TBC1D8: variants seen among roughly 807,000 people sequenced by gnomAD.
The protein encoded by TBC1D8 is TBC1 domain family member 8.
TBC1D8 carries 65 observed loss-of-function variants against 118.8 expected under a neutral mutation model. The ratio of observed to expected loss-of-function variants is 0.55; its 90% CI spans 0.45 to 0.67. The LOEUF is 0.67. Among genes scored for constraint, TBC1D8 ranks in the 30% least tolerant of loss-of-function variants. The pLI, the probability that TBC1D8 is intolerant of heterozygous loss-of-function variation, is 0.00. For synonymous variants in TBC1D8, 566 were observed against 595.8 expected, an observed-to-expected ratio of 0.95 and a Z score of 0.73; for missense variants, 1,376 against 1,471.2, an observed-to-expected ratio of 0.94 and a Z score of 1.06.
At chr2:101,064,264 AG>A (rs1682907749) in intron 2 of TBC1D8, among the ~76,000 whole-genome samples, 1 of 152,162 alleles carries the variant, frequency 6.6e-6, no homozygotes, top group Non-Finnish European at 1.5e-5. Context: ...CATGGAGAAA[AG>A]GCCATGTGAG....
At chr2:101,132,013 C>T (rs1452896324) in intron 1 of TBC1D8, among the ~76,000 whole-genome samples, 1 of 152,106 alleles carries the variant, frequency 6.6e-6, no homozygotes, top group Non-Finnish European at 1.5e-5. Flanking sequence ...ACGGGTGCTT[C>T]CAGATTCACA....
chr2:101,103,564 T>A (rs988513920), intron 1 of TBC1D8, among the ~76,000 whole-genome samples: 2 of 151,986 alleles, frequency 1.3e-5, no homozygotes, highest in African/African-American at 2.4e-5. Flanking sequence ...GCTAATTTTT[T>A]TGTATTTTTA....
intron 1 of TBC1D8, among the ~76,000 whole-genome samples, chr2:101,138,728 G>A (rs905652806): frequency 6.6e-6 from 1 of 152,106 alleles, no homozygotes; most frequent in African/African-American, 2.4e-5. Flanking sequence ...GCCCTCTCTG[G>A]GTGGGCTACC....
chr2:101,035,202 A>G (rs1276289059), intron 9 of TBC1D8, among the ~76,000 whole-genome samples: 3 of 152,144 alleles, frequency 2.0e-5, no homozygotes, highest in African/African-American at 7.2e-5. Context: ...CCATGGGGTC[A>G]TCTGGGGAAG....
intron 2 of TBC1D8, among the ~76,000 whole-genome samples, chr2:101,073,260 A>AT (rs111766054): frequency 0.1 from 15,588 of 149,594 alleles, 2,356 homozygotes; most frequent in African/African-American, 0.33. Flanking sequence ...ACATTGTTTT[A>AT]TTTTTTTTAT....
intron 17 of TBC1D8, among the ~76,000 whole-genome samples, chr2:101,020,228 ATGTT>A (rs973512177): frequency 6.6e-6 from 1 of 152,186 alleles, no homozygotes; most frequent in African/African-American, 2.4e-5. Flanking sequence ...TTCCAAAATA[ATGTT>A]TGTTTTAAAA....
At chr2:101,099,612 A>G (rs1327841563) in intron 1 of TBC1D8, among the ~76,000 whole-genome samples, 1 of 152,232 alleles carries the variant, frequency 6.6e-6, no homozygotes, top group African/African-American at 2.4e-5. Flanking sequence ...AAAATCCTCA[A>G]TAACATACTG....
chr2:101,025,690 G>A (rs577566656), intron 15 of TBC1D8, among the ~76,000 whole-genome samples: 86 of 152,130 alleles, frequency 5.7e-4, no homozygotes, highest in Non-Finnish European at 1.1e-3. Flanking sequence ...TAACACTGAA[G>A]AGACCAAATG....
intron 17 of TBC1D8, among the ~76,000 whole-genome samples, chr2:101,017,390 T>C (rs1467542722): frequency 6.6e-6 from 1 of 152,222 alleles, no homozygotes; most frequent in Non-Finnish European, 1.5e-5. Context: ...TAATTTTATA[T>C]GCTATACTTT....
intron 1 of TBC1D8, among the ~76,000 whole-genome samples, chr2:101,129,777 C>A (rs970863057): frequency 3.3e-5 from 5 of 151,840 alleles, no homozygotes; most frequent in African/African-American, 1.2e-4. Flanking sequence ...TGGCAGCAGG[C>A]GCCTGTAGTC....
At chr2:101,071,024 G>C (rs1683280750) in intron 2 of TBC1D8, among the ~76,000 whole-genome samples, 1 of 152,056 alleles carries the variant, frequency 6.6e-6, no homozygotes, top group Admixed American at 6.6e-5. Flanking sequence ...GTTTGTCTCA[G>C]TCAATAATAG....
chr2:101,036,857 G>C (rs139785586), intron 8 of TBC1D8, among the ~76,000 whole-genome samples: 75 of 152,320 alleles, frequency 4.9e-4, no homozygotes, highest in African/African-American at 1.8e-3. Flanking sequence ...GTCAACAAAA[G>C]TTAATTAAGG....
At chr2:101,085,996 G>A (rs1474018976) in intron 2 of TBC1D8, among the ~76,000 whole-genome samples, 1 of 152,104 alleles carries the variant, frequency 6.6e-6, no homozygotes, top group African/African-American at 2.4e-5. Flanking sequence ...AAAAAAATTA[G>A]CTGGGCGTGG....
rs370479457 is a variant in TBC1D8 at position 101,029,530 on chromosome 2, C to T, written c.2183G>A (p.Ser728Asn). The T allele has an allele frequency of 7.4e-6, 12 of 1,613,848 alleles. No homozygotes were observed. The African/African-American group carries it at 1.5e-4, about 20-fold the overall frequency. The change falls in exon 12 of 20, where the codon AGC becomes AAC. Residue 728 changes from serine (S) to asparagine (N), a missense_variant. By Grantham distance (46) the Ser-to-Asn change is conservative. Transcript: ENST00000409318. ...VLEANAEDLC[S>N]SKDDGQALMI... is the part of the protein sequence containing the mutation. The stretch of plus-strand genomic sequence containing the variant: ...CAAGGCCTGGCCATCATCCTTGCTG[C>T]TGCACAGGTCCTCAGCATTGGCCTC...
At chr2:101,031,104 T>C (rs1280794874) in intron 11 of TBC1D8, among the ~76,000 whole-genome samples, 3 of 152,228 alleles carry the variant, frequency 2.0e-5, no homozygotes, top group Non-Finnish European at 4.4e-5. Context: ...CACTGTTGCA[T>C]ATGAGCTGTC....
Position 101,122,383 on chromosome 2 carries a change from C to CAAAAA in TBC1D8, c.127+28739_127+28743dup, listed in dbSNP as rs70943064. Among the ~76,000 whole-genome samples, 51 of 71,920 alleles carry CAAAAA rather than the reference C, an allele frequency of 7.1e-4. 6 individuals are homozygous for CAAAAA. The highest frequency in any genetic ancestry group is 2.1e-3 in the African/African-American group (48 of 22,554). The allele number at this position is 71,920 out of a possible 152,430, so 47.2% of individuals were successfully genotyped here. A position where few individuals can be genotyped will look rare whatever the true frequency, so the allele number is the denominator to read the frequency against. ...ACCGCGCCCGGCCAAGACTCCATTT[C>CAAAAA]AAAAAAAAAAAAAAAAAAAAAAAAA... On this transcript the variant is annotated intron_variant, in intron 1 of 19. Coordinates refer to ENST00000409318, the MANE Select transcript of TBC1D8 (RefSeq NM_001330348.2).
rs1286879752 is a variant in TBC1D8 at position 101,010,994 on chromosome 2, G to A, written c.2950C>T (p.Gln984Ter). ...TCTTTGGCTAAATCCTTAATCATCT[G>A]CTTCAGCTGTTTCTGATAATCAACT... is the stretch of plus-strand genomic sequence containing the variant. ...DAVDYQKQLK[Q>*]MIKDLAKEKD... The change falls in exon 19 of 20, where the codon CAG (glutamine) becomes TAG (stop). Residue 984 changes from glutamine to a stop codon, truncating the protein, a stop_gained. Coordinates refer to ENST00000409318, the MANE Select transcript of TBC1D8 (RefSeq NM_001330348.2). LOFTEE classifies it high-confidence loss of function. 1 of 1,612,788 alleles carries A rather than the reference G, an allele frequency of 6.2e-7. No individual in the cohort carries two copies.
intron 18 of TBC1D8, 119 bp from the exon 19 acceptor site, chr2:101,011,145 C>G: frequency 1.0e-6 from 1 of 984,834 alleles, no homozygotes; most frequent in Non-Finnish European, 1.5e-6. Context: ...AAATTCCATA[C>G]AAAACTGGAA....
At chr2:101,134,696 C>A (rs889294353) in intron 1 of TBC1D8, among the ~76,000 whole-genome samples, 9 of 152,276 alleles carry the variant, frequency 5.9e-5, no homozygotes, top group South Asian at 2.1e-4. Context: ...CTTCAGTTAA[C>A]CTTAGTTACC....
Sources: allele counts gnomAD v4.1 joint callset (sites outside exome capture counted in the v4.1 genomes callset), GRCh38; gene constraint gnomAD v4.1.1; transcripts MANE v1.5; gene names NCBI Gene and HGNC (gene_info 2026-07-23, HGNC 2026-07-21).